The following CREBRF variants were observed in gnomAD, a reference collection of about 807,000 sequenced individuals.
CREBRF encodes CREB3 regulatory factor, also known as UPF0474 protein C5orf41.
Under a neutral mutation model 66.1 loss-of-function variants are expected in CREBRF, and 5 were observed. The observed-to-expected ratio is 0.08, with a 90% confidence interval of 0.04 to 0.16. CREBRF has a LOEUF of 0.16. Among genes scored for constraint, CREBRF ranks in the 10% least tolerant of loss-of-function variants. The pLI is 1.00. For missense variants in CREBRF, 531 were observed against 744.9 expected, an observed-to-expected ratio of 0.71 and a Z score of 3.34; for synonymous variants, 229 against 264.4, an observed-to-expected ratio of 0.87 and a Z score of 1.30.
At chr5:173,087,996 T>A (rs868553207) in intron 3 of CREBRF, among the ~76,000 whole-genome samples, 1 of 151,672 alleles carries the variant, frequency 6.6e-6, no homozygotes, top group Middle Eastern at 3.4e-3. Flanking sequence ...GCTAATTTTT[T>A]GTATTTTTAG....
intron 1 of CREBRF, among the ~76,000 whole-genome samples, chr5:173,077,939 G>A (rs1453920140): frequency 6.6e-6 from 1 of 152,008 alleles, no homozygotes; most frequent in East Asian, 1.9e-4. Context: ...TGTTGTATTT[G>A]CCATATTTTG....
intron 1 of CREBRF, among the ~76,000 whole-genome samples, chr5:173,078,838 G>A (rs1233930886): frequency 6.6e-6 from 1 of 152,118 alleles, no homozygotes; most frequent in Non-Finnish European, 1.5e-5. Context: ...CCTATTGCTA[G>A]TAAGGTTAAT....
At chr5:173,092,659 A>G (rs1231675836) in intron 4 of CREBRF, among the ~76,000 whole-genome samples, 1 of 152,244 alleles carries the variant, frequency 6.6e-6, no homozygotes, top group African/African-American at 2.4e-5. Context: ...TTCAGGCAGT[A>G]TAAACATAGA....
intron 4 of CREBRF, among the ~76,000 whole-genome samples, chr5:173,100,936 C>T (rs1259305396): frequency 7.9e-5 from 12 of 152,070 alleles, no homozygotes; most frequent in Admixed American, 5.9e-4. Context: ...CTTCCCAGTT[C>T]AGTCCTCTTG....
chr5:173,070,686 A>T (rs985545885), intron 1 of CREBRF, among the ~76,000 whole-genome samples: 3 of 152,170 alleles, frequency 2.0e-5, no homozygotes, highest in Non-Finnish European at 4.4e-5. Flanking sequence ...AATTAAAAAA[A>T]ATTCAGGAGT....
rs1236663046 is a variant in CREBRF, at chr5:173,137,463, C to T, written c.*3718C>T. ...CTCTGACTTTCATGCATTTCTCATACATCTTCTTTCTGATGCTTGACTTTA... is the reference window on the plus strand; with the variant it reads ...CTCTGACTTTCATGCATTTCTCATATATCTTCTTTCTGATGCTTGACTTTA... On this transcript the variant is annotated 3_prime_UTR_variant, in exon 9 of 9. Transcript: ENST00000296953. 2 of 152,038 alleles carry T rather than the reference C, an allele frequency of 1.3e-5. No homozygotes were observed. Among genetic ancestry groups the T allele is most frequent in the Non-Finnish European group, 2.9e-5 (2 of 67,930 alleles). The allele number at this position is 152,038 out of a possible 1,614,324, so 9.4% of individuals were successfully genotyped here.
intron 1 of CREBRF, among the ~76,000 whole-genome samples, chr5:173,060,628 A>G (rs959661297): frequency 2.0e-5 from 3 of 151,998 alleles, no homozygotes; most frequent in African/African-American, 7.3e-5. Context: ...CTTTCACCAT[A>G]TTCAGTAGCT....
intron 4 of CREBRF, among the ~76,000 whole-genome samples, chr5:173,096,488 A>T (rs532985162): frequency 2.3e-5 from 2 of 85,830 alleles, no homozygotes; most frequent in African/African-American, 4.7e-5. Flanking sequence ...TTCTGTGTCC[A>T]GTCCCTCCCC....
intron 4 of CREBRF, among the ~76,000 whole-genome samples, chr5:173,105,695 A>G (rs1758731936): frequency 1.2e-5 from 1 of 82,760 alleles, no homozygotes; most frequent in South Asian, 3.5e-4. Flanking sequence ...TGAATTCCTG[A>G]CCTCGTGATC....
At chr5:173,128,808 T>G (rs563948488) in intron 8 of CREBRF, among the ~76,000 whole-genome samples, 49 of 152,210 alleles carry the variant, frequency 3.2e-4, no homozygotes, top group Admixed American at 2.2e-3. Context: ...TGAGACGGAG[T>G]CTCGCTCTGT....
intron 7 of CREBRF, among the ~76,000 whole-genome samples, chr5:173,118,097 A>G (rs1476772717): frequency 6.6e-6 from 1 of 152,022 alleles, no homozygotes; most frequent in Non-Finnish European, 1.5e-5. Flanking sequence ...GATGGTCTCG[A>G]TCTCCTGACC....
chr5:173,135,270 T>C lies in CREBRF; in HGVS notation c.*1525T>C, dbSNP rs1759559763. 1 of 152,326 alleles carries C rather than the reference T, an allele frequency of 6.6e-6. No individual in the cohort carries two copies. The highest frequency in any genetic ancestry group is 6.6e-5 in the Admixed American group (1 of 15,222). 9.4% of individuals were successfully genotyped at this position (152,326 alleles called of 1,614,324 possible). A position where few individuals can be genotyped will look rare whatever the true frequency, so the allele number is the denominator to read the frequency against. ...TCTTCAAACTTAACATGTGACTTAT[T>C]CTTCTATAGTTTCTAGAATTGAGAA... On this transcript the variant is annotated 3_prime_UTR_variant, in exon 9 of 9. Transcript: ENST00000296953.
intron 7 of CREBRF, among the ~76,000 whole-genome samples, chr5:173,118,945 C>T (rs930346992): frequency 8.6e-5 from 13 of 151,692 alleles, no homozygotes; most frequent in Admixed American, 6.6e-4. Context: ...TGTCTTGCCT[C>T]GAACTCCTGG....
intron 2 of CREBRF, among the ~76,000 whole-genome samples, chr5:173,083,013 G>T (rs1758013523): frequency 6.7e-6 from 1 of 148,634 alleles, no homozygotes; most frequent in South Asian, 2.1e-4. Context: ...GATCACTTGA[G>T]GTCAGGAGTT....
chr5:173,122,081 G>T (rs982418750), intron 7 of CREBRF, among the ~76,000 whole-genome samples: 1 of 152,066 alleles, frequency 6.6e-6, no homozygotes, highest in South Asian at 2.1e-4. Context: ...TTTTGTTGTT[G>T]TTGTTGTTGT....
rs1264138302 is a variant in CREBRF, at chr5:173,136,994, A to G, written c.*3249A>G. 1 of 150,232 alleles carries G rather than the reference A, an allele frequency of 6.7e-6. No individual in the cohort carries two copies. Among genetic ancestry groups the G allele is most frequent in the African/African-American group, 2.4e-5 (1 of 41,062 alleles). 9.3% of individuals were successfully genotyped at this position (150,232 alleles called of 1,614,324 possible). ...AAAACCAACAAAAACCTTTTTTCCT[A>G]GTTTCAGATACACTGGATTCTTTAT... On this transcript the variant is annotated 3_prime_UTR_variant, in exon 9 of 9. Transcript: ENST00000296953.
chr5:173,119,836 T>A (rs1241526013), intron 7 of CREBRF, among the ~76,000 whole-genome samples: 1 of 152,208 alleles, frequency 6.6e-6, no homozygotes, highest in Non-Finnish European at 1.5e-5. Context: ...TTTTTTTGCA[T>A]CTATTGGAAC....
intron 2 of CREBRF, among the ~76,000 whole-genome samples, chr5:173,083,195 C>T (rs958227523): frequency 4.0e-5 from 6 of 151,610 alleles, no homozygotes; most frequent in South Asian, 4.2e-4. Context: ...GCCAACAGAG[C>T]GAGACTCTGT....
intron 7 of CREBRF, among the ~76,000 whole-genome samples, chr5:173,119,195 T>G (rs1759079525): frequency 6.6e-6 from 1 of 152,218 alleles, no homozygotes; most frequent in East Asian, 1.9e-4. Flanking sequence ...TCAAATTACT[T>G]TATCATCTTT....
Sources: gnomAD v4.1 joint callset for allele counts (sites outside exome capture counted in the v4.1 genomes callset) on GRCh38, gnomAD v4.1.1 for gene constraint, MANE v1.5 for transcripts, NCBI Gene and HGNC (gene_info 2026-07-23, HGNC 2026-07-21) for gene names.